The following PVT1 variants were observed in gnomAD, a reference collection of about 807,000 sequenced individuals.
PVT1 encodes CXCR4/PVT1 fusion.
intron 2 of PVT1, among the ~76,000 whole-genome samples, chr8:127,855,742 G>C (rs1394244653): frequency 1.3e-5 from 2 of 152,216 alleles, no homozygotes; most frequent in East Asian, 3.9e-4. Flanking sequence ...CCTGTGTTTG[G>C]AACAAGTATC....
chr8:127,897,696 G>A (rs933079795), intron 3 of PVT1, among the ~76,000 whole-genome samples: 7 of 146,930 alleles, frequency 4.8e-5, no homozygotes, highest in Admixed American at 3.4e-4. Flanking sequence ...AAGGAAGGAA[G>A]GAAAGAAGGA....
At chr8:127,864,333 T>C (rs953027611) in intron 2 of PVT1, among the ~76,000 whole-genome samples, 4 of 152,140 alleles carry the variant, frequency 2.6e-5, no homozygotes, top group Non-Finnish European at 5.9e-5. Flanking sequence ...AGTCTGGGCA[T>C]GCTTCCAATC....
chr8:128,039,267 C>A lies in PVT1; in HGVS notation n.913-30893C>A, dbSNP rs146833793. The stretch of plus-strand genomic sequence containing the variant: ...TCCCTTCCCCCTTTCCTCCCTCCTC[C>A]CACCTTTCCTTACCTGGCAGCTACC... On this transcript the variant is annotated intron_variant and non_coding_transcript_variant, in intron 4 of 10. Transcript: ENST00000651587. 2.4e-3 allele frequency among the ~76,000 whole-genome samples: 360 copies of A among 152,320 alleles called. 3 individuals carry two copies. Among genetic ancestry groups the A allele is most frequent in the African/African-American group, 8.2e-3 (342 of 41,574 alleles).
chr8:127,998,035 A>T (rs1817127403), intron 4 of PVT1, among the ~76,000 whole-genome samples: 1 of 152,184 alleles, frequency 6.6e-6, no homozygotes, highest in South Asian at 2.1e-4. Context: ...CACAGAGGTA[A>T]AGTTCCGCTT....
At chr8:127,902,552 G>C (rs1324212917) in intron 3 of PVT1, among the ~76,000 whole-genome samples, 1 of 151,758 alleles carries the variant, frequency 6.6e-6, no homozygotes, top group Non-Finnish European at 1.5e-5. Flanking sequence ...ACTGAGCATA[G>C]TATCCAGTAG....
intron 2 of PVT1, among the ~76,000 whole-genome samples, chr8:127,880,596 CTTT>C (rs35252729): frequency 3.7e-5 from 4 of 108,080 alleles, no homozygotes; most frequent in African/African-American, 7.0e-5. Context: ...GCCCCCGGCC[CTTT>C]TTTTTTTTTT....
chr8:127,861,125 T>C (rs769565433), intron 2 of PVT1, among the ~76,000 whole-genome samples: 1 of 152,190 alleles, frequency 6.6e-6, no homozygotes, highest in Non-Finnish European at 1.5e-5. Flanking sequence ...TCCATGTTTT[T>C]TTCTCCCAAC....
intron 4 of PVT1, among the ~76,000 whole-genome samples, chr8:128,024,640 T>A (rs917011328): frequency 6.6e-5 from 10 of 151,856 alleles, no homozygotes; most frequent in African/African-American, 2.4e-4. Context: ...AAAAAAAAGT[T>A]TCCCATGGAG....
At chr8:128,050,832 T>G (rs1318911317) in intron 4 of PVT1, among the ~76,000 whole-genome samples, 1 of 152,220 alleles carries the variant, frequency 6.6e-6, no homozygotes, top group East Asian at 1.9e-4. Flanking sequence ...CCCCACTGAT[T>G]ATTCAAACTC....
intron 2 of PVT1, among the ~76,000 whole-genome samples, chr8:127,802,820 T>C (rs568778442): frequency 3.9e-5 from 6 of 152,238 alleles, no homozygotes; most frequent in African/African-American, 4.8e-5. Context: ...CAGATGTAAC[T>C]GCTAGGAGAG....
At chr8:127,917,957 C>T (rs1452554248) in intron 3 of PVT1, among the ~76,000 whole-genome samples, 1 of 151,708 alleles carries the variant, frequency 6.6e-6, no homozygotes, top group Non-Finnish European at 1.5e-5. Flanking sequence ...AGATTACGGA[C>T]AAGGCAGCAT....
Position 127,984,956 on chromosome 8 carries a change from CT to C in PVT1, n.783-4204del, listed in dbSNP as rs1382372361. Among the ~76,000 whole-genome samples, 46 of 140,700 alleles carry C rather than the reference CT, an allele frequency of 3.3e-4. 1 individual carries two copies. Among genetic ancestry groups the C allele is most frequent in the East Asian group, 2.3e-3 (11 of 4,806 alleles). The allele number at this position is 140,700 out of a possible 152,430, so 92.3% of individuals were successfully genotyped here. On this transcript the variant is annotated intron_variant and non_coding_transcript_variant, in intron 3 of 10. Coordinates refer to ENST00000651587, the Ensembl canonical transcript of PVT1. ...TTCTTTCTTTCTTTCCCCTTCCTTC[CT>C]TCCTTCCTCCCTCCTTCCTTCCTTT...
intron 2 of PVT1, among the ~76,000 whole-genome samples, chr8:127,889,039 T>TTCCTTCCTTCCTTCCTTCCTTC (rs1563631167): frequency 3.6e-5 from 3 of 82,580 alleles, no homozygotes; most frequent in East Asian, 2.7e-4. Flanking sequence ...TCTCTTTCTT[T>TTCCTTCCTTCCTTCCTTCCTTC]CTTCCTTCCT....
At chr8:127,820,744 T>C (rs4629830) in intron 2 of PVT1, among the ~76,000 whole-genome samples, 103,630 of 151,506 alleles carry the variant, frequency 0.68, 36,909 homozygotes, top group African/African-American at 0.88. Context: ...GAGTCTCGCT[T>C]TGTCGCCCAG....
At chr8:127,999,848 G>A (rs771734884) in intron 4 of PVT1, among the ~76,000 whole-genome samples, 2 of 152,224 alleles carry the variant, frequency 1.3e-5, no homozygotes, top group Non-Finnish European at 2.9e-5. Context: ...GAAAGTTCAC[G>A]TGGGGCAAGA....
chr8:128,052,404 G>C (rs1258181964), intron 4 of PVT1, among the ~76,000 whole-genome samples: 1 of 152,194 alleles, frequency 6.6e-6, no homozygotes, highest in African/African-American at 2.4e-5. Context: ...AGGGTGATGT[G>C]AGTGATGTGA....
At chr8:127,947,026 T>G (rs1364942243) in intron 3 of PVT1, 2 of 152,328 alleles carry the variant, frequency 1.3e-5, no homozygotes, top group Non-Finnish European at 2.9e-5. Context: ...TCATAATACC[T>G]GTGTACAAGT....
chr8:128,021,290 C>CTTTTTTTTTTTT lies in PVT1; in HGVS notation n.912+32009_912+32020dup, dbSNP rs11438511. ...CCAGTCCGATTCCCCAGGACTTGTGCTTTTTTTTTTTTTTTTTTTTTGAGA... is the reference window on the plus strand; with the variant it reads ...CCAGTCCGATTCCCCAGGACTTGTGCTTTTTTTTTTTTTTTTTTTTTTTTTTTTTTTTTGAGA... On this transcript the variant is annotated intron_variant and non_coding_transcript_variant, in intron 4 of 10. Transcript: ENST00000651587. Among the ~76,000 whole-genome samples, 208 of 81,126 alleles carry CTTTTTTTTTTTT rather than the reference C, an allele frequency of 2.6e-3. 18 individuals are homozygous for CTTTTTTTTTTTT. Among genetic ancestry groups the CTTTTTTTTTTTT allele is most frequent in the Non-Finnish European group, 3.5e-3 (158 of 45,192 alleles). The allele number at this position is 81,126 out of a possible 152,430, so 53.2% of individuals were successfully genotyped here.
intron 2 of PVT1, among the ~76,000 whole-genome samples, chr8:127,878,762 C>A (rs1026661165): frequency 2.0e-5 from 3 of 152,220 alleles, no homozygotes; most frequent in Non-Finnish European, 4.4e-5. Context: ...TAAGACAGTG[C>A]CCATCAGCGA....
Sources: allele counts gnomAD v4.1 joint callset (sites outside exome capture counted in the v4.1 genomes callset), GRCh38; gene constraint gnomAD v4.1.1; transcripts MANE v1.5; gene names NCBI Gene and HGNC (gene_info 2026-07-23, HGNC 2026-07-21).